The following PKD1L1 variants were observed in gnomAD, a reference collection of about 807,000 sequenced individuals.
PKD1L1 encodes polycystin-1-like protein 1.
A neutral mutation model predicts 323.4 loss-of-function variants in PKD1L1; 236 were observed. The observed-to-expected ratio is 0.73, with a 90% CI of 0.66 to 0.81. The LOEUF (loss-of-function observed/expected upper bound fraction) is 0.81. Among genes scored for constraint, PKD1L1 ranks in the 40% least tolerant of loss-of-function variants. The pLI, the probability that PKD1L1 is intolerant of heterozygous loss-of-function variation, is 0.00. For missense variants in PKD1L1, 3,320 were observed against 3,508.0 expected, an observed-to-expected ratio of 0.95 and a Z score of 1.35; for synonymous variants, 1,344 against 1,335.0, an observed-to-expected ratio of 1.01 and a Z score of -0.15.
At chr7:47,931,424 C>A in intron 5 of PKD1L1, 103 bp from the exon 6 acceptor site, 1 of 1,235,190 alleles carries the variant, frequency 8.1e-7, no homozygotes. Flanking sequence ...AACAGCCCCA[C>A]TGCTACTGAG....
In PKD1L1 at chr7:47,898,179, G is replaced by A. The variant is rs752268644; in HGVS notation, c.2080C>T (p.Pro694Ser). The change falls in exon 14 of 57, where the codon CCT becomes TCT. Residue 694 changes from proline (P) to serine (S), a missense_variant. Transcript: ENST00000289672. ...TCAAACGTCACTCCCAGCCTCACAGGCTGAGACCTCCATATCTAAGTATCA... is the reference window on the plus strand; with the variant it reads ...TCAAACGTCACTCCCAGCCTCACAGACTGAGACCTCCATATCTAAGTATCA... Reference protein sequence around the residue: ...PGKVQIWRSQPVRLGVTFEAA... With the variant: ...PGKVQIWRSQSVRLGVTFEAA... 1 of 1,613,798 alleles carries A rather than the reference G, an allele frequency of 6.2e-7. No homozygotes were observed.
chr7:47,774,984 T>C lies in PKD1L1; in HGVS notation c.*159A>G. 1 of 727,776 alleles carries C rather than the reference T, an allele frequency of 1.4e-6. No individual in the cohort carries two copies. Among genetic ancestry groups the C allele is most frequent in the Non-Finnish European group, 2.4e-6 (1 of 419,910 alleles). 45.1% of individuals were successfully genotyped at this position (727,776 alleles called of 1,614,324 possible). Reference sequence around the variant, plus strand: ...GACAGATAAACCTTGATTTTCATCCTGGTTTCCCATTTACTTGTTACGTGA... The same window carrying C: ...GACAGATAAACCTTGATTTTCATCCCGGTTTCCCATTTACTTGTTACGTGA... On this transcript the variant is annotated 3_prime_UTR_variant, in exon 57 of 57. Coordinates refer to ENST00000289672, the MANE Select transcript of PKD1L1 (RefSeq NM_138295.5).
intron 14 of PKD1L1, among the ~76,000 whole-genome samples, chr7:47,896,953 AAAG>A (rs920746062): frequency 1.3e-5 from 2 of 152,286 alleles, no homozygotes; most frequent in African/African-American, 4.8e-5. Context: ...CAACATTTCT[AAAG>A]AAGAGTATAC....
At chr7:47,856,936 C>T (rs1273874514) in intron 28 of PKD1L1, among the ~76,000 whole-genome samples, 13 of 152,218 alleles carry the variant, frequency 8.5e-5, no homozygotes, top group Admixed American at 7.9e-4. Context: ...TCCTTGCTCT[C>T]TGCCCTTCCA....
At chr7:47,855,814 T>TGCAGTGA (rs1785888953) in intron 28 of PKD1L1, among the ~76,000 whole-genome samples, 1 of 80,316 alleles carries the variant, frequency 1.2e-5, no homozygotes, top group Non-Finnish European at 2.2e-5. Context: ...AGGCGGAGCT[T>TGCAGTGA]GCAGTGAGCC....
intron 15 of PKD1L1, among the ~76,000 whole-genome samples, chr7:47,891,465 A>T (rs546298352): frequency 6.6e-6 from 1 of 152,340 alleles, no homozygotes; most frequent in East Asian, 1.9e-4. Flanking sequence ...GTTTGTGGCT[A>T]GGAAGGCCTG....
At chr7:47,932,906 G>A (rs185524370) in intron 4 of PKD1L1, among the ~76,000 whole-genome samples, 102 of 152,302 alleles carry the variant, frequency 6.7e-4, no homozygotes, top group African/African-American at 2.4e-3. Flanking sequence ...GTGGAGGCAC[G>A]TTGGAGGACA....
At chr7:47,887,038 TAACCAC>T (rs2128747995) in intron 17 of PKD1L1, among the ~76,000 whole-genome samples, 1 of 134,604 alleles carries the variant, frequency 7.4e-6, no homozygotes, top group South Asian at 2.2e-4. Context: ...GCTGAAAGTC[TAACCAC>T]TGTATGTGTT....
At chr7:47,841,948 A>G (rs1181310931) in intron 34 of PKD1L1, among the ~76,000 whole-genome samples, 2 of 152,212 alleles carry the variant, frequency 1.3e-5, no homozygotes, top group East Asian at 1.9e-4. Context: ...TTCATTTGCT[A>G]TGTAGACAAC....
chr7:47,946,491 C>T lies in PKD1L1; in HGVS notation c.44+1906G>A, dbSNP rs1435263954. Among the ~76,000 whole-genome samples the T allele has an allele frequency of 8.8e-6, 1 of 113,194 alleles. No homozygotes were observed. The highest frequency in any genetic ancestry group is 2.9e-5 in the African/African-American group (1 of 34,810). 74.3% of individuals were successfully genotyped at this position (113,194 alleles called of 152,430 possible). A position where few individuals can be genotyped will look rare whatever the true frequency, so the allele number is the denominator to read the frequency against. On this transcript the variant is annotated intron_variant, in intron 1 of 56. Transcript: ENST00000289672. The surrounding 1 kb of genome is among the most constrained non-coding windows in gnomAD (Gnocchi z 4.1). ...CACATCGCACACACCACACACCACGCACCACACAAACACACCATACACACA... is the reference window on the plus strand; with the variant it reads ...CACATCGCACACACCACACACCACGTACCACACAAACACACCATACACACA...
intron 31 of PKD1L1, among the ~76,000 whole-genome samples, chr7:47,851,943 A>G (rs958872212): frequency 2.0e-5 from 3 of 152,240 alleles, no homozygotes; most frequent in Admixed American, 1.3e-4. Context: ...TAAAAAATAT[A>G]AAGAGCTATA....
At chr7:47,795,055 T>C (rs902442385) in intron 55 of PKD1L1, among the ~76,000 whole-genome samples, 7 of 152,188 alleles carry the variant, frequency 4.6e-5, no homozygotes, top group African/African-American at 1.7e-4. Context: ...CTTTGGACTG[T>C]GGACTTTTGG....
intron 31 of PKD1L1, among the ~76,000 whole-genome samples, chr7:47,851,992 TA>T (rs1226453329): frequency 2.4e-4 from 37 of 152,228 alleles, no homozygotes; most frequent in African/African-American, 8.7e-4. Flanking sequence ...TAAATGTGGA[TA>T]ACAGAATAGA....
chr7:47,944,545 T>C (rs997041579), intron 1 of PKD1L1, among the ~76,000 whole-genome samples: 1 of 152,214 alleles, frequency 6.6e-6, no homozygotes, highest in Non-Finnish European at 1.5e-5. Context: ...AGAGCCAACG[T>C]TTAAACCTGG....
intron 9 of PKD1L1, among the ~76,000 whole-genome samples, chr7:47,906,975 C>G (rs763901382): frequency 6.6e-6 from 1 of 152,166 alleles, no homozygotes; most frequent in Non-Finnish European, 1.5e-5. Flanking sequence ...CAAACTTGGA[C>G]CTTCCTATTC....
chr7:47,922,148 G>A (rs988017344), intron 7 of PKD1L1, among the ~76,000 whole-genome samples: 2 of 152,240 alleles, frequency 1.3e-5, no homozygotes, highest in South Asian at 2.1e-4. Context: ...TCCTGACCAC[G>A]AGTGATCTAC....
At chr7:47,782,438 T>C (rs2128721603) in intron 56 of PKD1L1, among the ~76,000 whole-genome samples, 1 of 152,324 alleles carries the variant, frequency 6.6e-6, no homozygotes, top group South Asian at 2.1e-4. Context: ...AAAACTTTCC[T>C]AAGGTCTCTA....
intron 28 of PKD1L1, 137 bp downstream of exon 28, chr7:47,857,468 C>A: frequency 1.5e-6 from 1 of 686,586 alleles, no homozygotes; most frequent in Admixed American, 2.7e-5. Context: ...AGTGATCCCT[C>A]TTGGCACTGA....
Position 47,841,988 on chromosome 7 carries a change from T to C in PKD1L1, c.5445+974A>G, listed in dbSNP as rs189060220. Among the ~76,000 whole-genome samples the C allele has an allele frequency of 1.2e-3, 189 of 152,336 alleles. 1 individual carries two copies. Among genetic ancestry groups the C allele is most frequent in the Middle Eastern group, 3.4e-3 (1 of 294 alleles). ...TCCTGTACGAAGAACCATCTCTTTC[T>C]CCCTTTTGGAAACTTATATTCCTGT... On this transcript the variant is annotated intron_variant, in intron 34 of 56. Coordinates refer to ENST00000289672, the MANE Select transcript of PKD1L1 (RefSeq NM_138295.5).
Sources: allele counts gnomAD v4.1 joint callset (sites outside exome capture counted in the v4.1 genomes callset), GRCh38; gene constraint gnomAD v4.1.1; non-coding constraint Gnocchi (gnomAD v3.1); transcripts MANE v1.5; gene names NCBI Gene and HGNC (gene_info 2026-07-23, HGNC 2026-07-21).